GNA11: variants seen among roughly 807,000 people sequenced by gnomAD.
GNA11 encodes guanine nucleotide-binding protein subunit alpha-11.
A neutral mutation model predicts 38.2 loss-of-function variants in GNA11; 8 were observed. The ratio of observed to expected loss-of-function variants is 0.21; its 90% CI spans 0.12 to 0.38. The LOEUF (loss-of-function observed/expected upper bound fraction) is 0.38, where lower values mean the gene tolerates loss of function less well. Ranked by LOEUF, GNA11 falls within the 10% of genes least tolerant of loss-of-function variation. The pLI, the probability that GNA11 is intolerant of heterozygous loss-of-function variation, is 1.00. For missense variants in GNA11, 268 were observed against 516.3 expected (o/e 0.52, Z 4.66); for synonymous variants, 211 against 221.4 (o/e 0.95, Z 0.42).
rs1397997556 is a variant in GNA11 at position 3,122,478 on chromosome 19, C to T, written c.*1299C>T. 3.9e-5 allele frequency: 9 copies of T among 231,650 alleles called. No homozygotes were observed. Among genetic ancestry groups the T allele is most frequent in the African/African-American group, 6.6e-5 (3 of 45,212 alleles). 14.3% of individuals were successfully genotyped at this position (231,650 alleles called of 1,614,324 possible). ...GCCACGCCGCACTGAGCCACAGCCC[C>T]GGGGGCCGCCTCCCGGGGCCCCTTG... On this transcript the variant is annotated 3_prime_UTR_variant, in exon 7 of 7. Coordinates refer to ENST00000078429, the MANE Select transcript of GNA11 (RefSeq NM_002067.5). This position sits in a 1 kb window ranked among gnomAD's most constrained non-coding sequence, Gnocchi z 7.7.
rs759819107 is a variant in GNA11, at chr19:3,119,396, C to T, written c.889+37C>T. 31 of 1,593,684 alleles carry T rather than the reference C, an allele frequency of 1.9e-5. 1 individual carries two copies. In the Admixed American group the frequency reaches 4.7e-4, roughly 24 times the overall value. On this transcript the variant is annotated intron_variant, in intron 6 of 6. Coordinates refer to ENST00000078429, the MANE Select transcript of GNA11 (RefSeq NM_002067.5). The surrounding 1 kb of genome is among the most constrained non-coding windows in gnomAD (Gnocchi z 4.6). ...TGCGGCATGGGGAGGGGCTCGCGGG[C>T]AGGGCCTTACTGGGGGGAGGGGGCT...
At chr19:3,096,578 C>T (rs1913372543) in intron 1 of GNA11, among the ~76,000 whole-genome samples, 1 of 152,190 alleles carries the variant, frequency 6.6e-6, no homozygotes, top group African/African-American at 2.4e-5. Flanking sequence ...AGGTCAGGGG[C>T]TCCCGTGTCT....
At chr19:3,109,870 A>C (rs929791003) in intron 1 of GNA11, among the ~76,000 whole-genome samples, 16 of 152,202 alleles carry the variant, frequency 1.1e-4, no homozygotes, top group Non-Finnish European at 4.4e-5. Flanking sequence ...TTTGACGTAA[A>C]TACCAACAAT....
chr19:3,102,318 G>A (rs1190959645), intron 1 of GNA11, among the ~76,000 whole-genome samples: 1 of 152,164 alleles, frequency 6.6e-6, no homozygotes, highest in Non-Finnish European at 1.5e-5. Context: ...CTGCTGCTGT[G>A]GAGATGGGAT....
Position 3,094,643 on chromosome 19 carries a change from G to GCCGGGA in GNA11, c.-7_-2dup, listed in dbSNP as rs1913316674. On this transcript the variant is annotated 5_prime_UTR_variant, in exon 1 of 7. Coordinates refer to ENST00000078429, the MANE Select transcript of GNA11 (RefSeq NM_002067.5). The surrounding 1 kb of genome is among the most constrained non-coding windows in gnomAD (Gnocchi z 6.0). The stretch of plus-strand genomic sequence containing the variant: ...CGGGCAGGCGGCCGCGTCGGCCGGG[G>GCCGGGA]CCGGGACGATGACTCTGGAGTCCAT... 1.5e-6 allele frequency: 2 copies of GCCGGGA among 1,343,828 alleles called. No homozygotes were observed. The highest frequency in any genetic ancestry group is 3.0e-5 in the African/African-American group (2 of 66,782). The allele number at this position is 1,343,828 out of a possible 1,614,324, so 83.2% of individuals were successfully genotyped here. A position where few individuals can be genotyped will look rare whatever the true frequency, so the allele number is the denominator to read the frequency against.
intron 1 of GNA11, among the ~76,000 whole-genome samples, chr19:3,100,052 G>A (rs773187841): frequency 1.5e-4 from 23 of 152,320 alleles, no homozygotes; most frequent in Admixed American, 4.6e-4. Context: ...ATCTTGTCGC[G>A]TCCACAGCAC....
At chr19:3,118,619 G>T (rs1387518012) in intron 4 of GNA11, 4 of 354,462 alleles carry the variant, frequency 1.1e-5, no homozygotes, top group African/African-American at 2.1e-5. Flanking sequence ...CCCATCGCAG[G>T]TTCCCGCAGC....
chr19:3,119,431 G>A lies in GNA11; in HGVS notation c.889+72G>A. The A allele has an allele frequency of 1.4e-6, 2 of 1,437,012 alleles. No individual in the cohort carries two copies. Among genetic ancestry groups the A allele is most frequent in the African/African-American group, 1.4e-5 (1 of 71,326 alleles). 89.0% of individuals were successfully genotyped at this position (1,437,012 alleles called of 1,614,324 possible). On this transcript the variant is annotated intron_variant, in intron 6 of 6. Coordinates refer to ENST00000078429, the MANE Select transcript of GNA11 (RefSeq NM_002067.5). The surrounding 1 kb of genome is among the most constrained non-coding windows in gnomAD (Gnocchi z 4.6). ...CTGGGGGGAGGGGGCTGATATGGGA[G>A]AGGGGCTCATACAGGCCGGGAGCTC... is the stretch of plus-strand genomic sequence containing the variant.
At chr19:3,106,443 C>G (rs770537808) in intron 1 of GNA11, among the ~76,000 whole-genome samples, 1 of 152,230 alleles carries the variant, frequency 6.6e-6, no homozygotes, top group Non-Finnish European at 1.5e-5. Flanking sequence ...TCCAGAGCCT[C>G]GCCCTTGGCC....
chr19:3,106,326 C>T (rs1300732521), intron 1 of GNA11, among the ~76,000 whole-genome samples: 2 of 152,172 alleles, frequency 1.3e-5, no homozygotes, highest in South Asian at 2.1e-4. Context: ...TGACGGGAGG[C>T]GGCAGCAGCT....
At chr19:3,113,591 G>T in intron 3 of GNA11, 107 bp downstream of exon 3, 5 of 843,430 alleles carry the variant, frequency 5.9e-6, no homozygotes, top group Non-Finnish European at 8.9e-6. Context: ...CTGCCTGCTC[G>T]CCGGGGGCAG....
chr19:3,094,820 G>A lies in GNA11; in HGVS notation c.136+33G>A. On this transcript the variant is annotated intron_variant, in intron 1 of 6. Transcript: ENST00000078429. This position sits in a 1 kb window ranked among gnomAD's most constrained non-coding sequence, Gnocchi z 6.0. The stretch of plus-strand genomic sequence containing the variant: ...CGGCCCCCGGGCCTGCCGGCTGCGG[G>A]CCCTGCCCTGCCTGTGCCTGCCCTG... 5 of 1,480,990 alleles carry A rather than the reference G, an allele frequency of 3.4e-6. No homozygotes were observed. The South Asian group carries it at 4.0e-5, about 12-fold the overall frequency. The allele number at this position is 1,480,990 out of a possible 1,614,324, so 91.7% of individuals were successfully genotyped here.
chr19:3,120,561 C>CA lies in GNA11; in HGVS notation c.890-427dup, dbSNP rs1914044144. Among the ~76,000 whole-genome samples the CA allele has an allele frequency of 6.6e-6, 1 of 152,078 alleles. No individual in the cohort carries two copies. Among genetic ancestry groups the CA allele is most frequent in the African/African-American group, 2.4e-5 (1 of 41,402 alleles). On this transcript the variant is annotated intron_variant, in intron 6 of 6. Coordinates refer to ENST00000078429, the MANE Select transcript of GNA11 (RefSeq NM_002067.5). This position sits in a 1 kb window ranked among gnomAD's most constrained non-coding sequence, Gnocchi z 5.9. ...CTCTGAGGCCTGGCTGCAGCAGGGGCACCGTGGGTGGGTGGGGGCCACTGT... is the reference window on the plus strand; with the variant it reads ...CTCTGAGGCCTGGCTGCAGCAGGGGCAACCGTGGGTGGGTGGGGGCCACTGT...
rs889492001 is a variant in GNA11, at chr19:3,110,598, GTGGGGAAGCTGAGGCCC to G, written c.321+285_321+301del. 4.6e-5 allele frequency among the ~76,000 whole-genome samples: 7 copies of G among 152,084 alleles called. No homozygotes were observed. The highest frequency in any genetic ancestry group is 1.9e-4 in the East Asian group (1 of 5,172). ...AGCTGTGGGCGCCCACATCCTGTGG[GTGGGGAAGCTGAGGCCC>G]TGGGGAAGCTGAGGCCCTGTGAGGT... On this transcript the variant is annotated intron_variant, in intron 2 of 6. Coordinates refer to ENST00000078429, the MANE Select transcript of GNA11 (RefSeq NM_002067.5). This position sits in a 1 kb window ranked among gnomAD's most constrained non-coding sequence, Gnocchi z 5.4.
intron 1 of GNA11, among the ~76,000 whole-genome samples, chr19:3,100,185 G>A (rs531132383): frequency 3.9e-4 from 59 of 152,318 alleles, no homozygotes; most frequent in African/African-American, 1.1e-3. Context: ...CCTCGGCTCC[G>A]TGGGTGTTTT....
chr19:3,112,969 G>A (rs570078076), intron 2 of GNA11, among the ~76,000 whole-genome samples: 21 of 152,308 alleles, frequency 1.4e-4, no homozygotes, highest in Admixed American at 9.8e-4. Flanking sequence ...GGTCGTGCTC[G>A]GCGCTGCACT....
rs1366691935 is a variant in GNA11 at position 3,120,117 on chromosome 19, C to G, written c.889+758C>G. Among the ~76,000 whole-genome samples the G allele has an allele frequency of 6.6e-6, 1 of 152,074 alleles. No homozygotes were observed. The highest frequency in any genetic ancestry group is 1.5e-5 in the Non-Finnish European group (1 of 67,984). On this transcript the variant is annotated intron_variant, in intron 6 of 6. Coordinates refer to ENST00000078429, the MANE Select transcript of GNA11 (RefSeq NM_002067.5). This position sits in a 1 kb window ranked among gnomAD's most constrained non-coding sequence, Gnocchi z 5.9. ...CTCATTTCCACCCCGGATCTGTGCT[C>G]CTCCCGTGAGTCTCGGGTGTCATCT...
At chr19:3,115,137 C>G (rs970867443) in intron 4 of GNA11, 65 bp downstream of exon 4, 33 of 1,560,764 alleles carry the variant, frequency 2.1e-5, no homozygotes, top group Middle Eastern at 1.7e-4. Flanking sequence ...GGTGTGCCGG[C>G]TCATGCCTGC....
Position 3,120,934 on chromosome 19 carries a change from A to T in GNA11, c.890-55A>T, listed in dbSNP as rs973672769. The T allele has an allele frequency of 1.5e-6, 2 of 1,357,482 alleles. No homozygotes were observed. Among genetic ancestry groups the T allele is most frequent in the African/African-American group, 2.9e-5 (2 of 69,454 alleles). The allele number at this position is 1,357,482 out of a possible 1,614,324, so 84.1% of individuals were successfully genotyped here. On this transcript the variant is annotated intron_variant, in intron 6 of 6. Coordinates refer to ENST00000078429, the MANE Select transcript of GNA11 (RefSeq NM_002067.5). This position sits in a 1 kb window ranked among gnomAD's most constrained non-coding sequence, Gnocchi z 5.9. ...CCTGGGAGTGACAAAGGGGCCCACG[A>T]GTCCCTTGCCCTGGGCCGGGCTGGG...
Sources: allele counts gnomAD v4.1 joint callset (sites outside exome capture counted in the v4.1 genomes callset), GRCh38; gene constraint gnomAD v4.1.1; non-coding constraint Gnocchi (gnomAD v3.1); transcripts MANE v1.5; gene names NCBI Gene and HGNC (gene_info 2026-07-23, HGNC 2026-07-21).